EPHA6: variants seen among roughly 807,000 people sequenced by gnomAD.
EPHA6 encodes EPH receptor A6, also known as ephrin type-A receptor 6.
A neutral mutation model predicts 112.0 loss-of-function variants in EPHA6; 50 were observed. That is an observed-to-expected ratio of 0.45 (90% confidence interval 0.36 to 0.56). The LOEUF is 0.56. Ranked by LOEUF, EPHA6 falls within the 20% of genes least tolerant of loss-of-function variation. The pLI, the probability that EPHA6 is intolerant of heterozygous loss-of-function variation, is 0.00. For missense variants in EPHA6, 1,280 were observed against 1,417.4 expected, an observed-to-expected ratio of 0.90 and a Z score of 1.56; for synonymous variants, 529 against 490.7, an observed-to-expected ratio of 1.08 and a Z score of -1.03.
At chr3:96,832,004 G>A (rs2034115187) in intron 1 of EPHA6, among the ~76,000 whole-genome samples, 1 of 151,976 alleles carries the variant, frequency 6.6e-6, no homozygotes, top group Admixed American at 6.6e-5. Context: ...GGCCTTGAGT[G>A]GGTCAAGCCC....
intron 3 of EPHA6, among the ~76,000 whole-genome samples, chr3:97,133,167 G>T (rs1458835948): frequency 1.3e-5 from 2 of 152,014 alleles, no homozygotes; most frequent in Admixed American, 1.3e-4. Context: ...CATCCTATGA[G>T]AGTGAGCAGC....
At chr3:97,638,685 T>C (rs2093973381) in intron 14 of EPHA6, among the ~76,000 whole-genome samples, 2 of 152,140 alleles carry the variant, frequency 1.3e-5, no homozygotes, top group African/African-American at 4.8e-5. Context: ...ATAGTGTAAA[T>C]ATTTCTGACT....
intron 1 of EPHA6, among the ~76,000 whole-genome samples, chr3:96,852,114 G>A (rs2035426339): frequency 6.6e-6 from 1 of 152,134 alleles, no homozygotes; most frequent in Non-Finnish European, 1.5e-5. Context: ...ATATTTTGGA[G>A]TTGATCTGGA....
chr3:97,605,631 T>C (rs2093675213), intron 12 of EPHA6, among the ~76,000 whole-genome samples: 1 of 151,780 alleles, frequency 6.6e-6, no homozygotes, highest in Admixed American at 6.6e-5. Context: ...ACCAGTACCC[T>C]GCTGTTTTGG....
chr3:97,756,471 G>A lies in EPHA6; in HGVS notation c.*7770G>A, dbSNP rs991760181. Among the ~76,000 whole-genome samples, 1 of 151,820 alleles carries A rather than the reference G, an allele frequency of 6.6e-6. No individual in the cohort carries two copies. Among genetic ancestry groups the A allele is most frequent in the Non-Finnish European group, 1.5e-5 (1 of 67,786 alleles). ...CATACATAGTTAATAAACAATGATT[G>A]GAGCTTTTCAAAATTGCTGCTCTGC... On this transcript the variant is annotated 3_prime_UTR_variant, in exon 18 of 18. Coordinates refer to ENST00000389672, the MANE Select transcript of EPHA6 (RefSeq NM_001080448.3).
intron 14 of EPHA6, among the ~76,000 whole-genome samples, chr3:97,663,796 C>T (rs1030001967): frequency 3.3e-5 from 5 of 152,034 alleles, no homozygotes; most frequent in African/African-American, 7.3e-5. Context: ...AATAAATATA[C>T]GTGTGTATGT....
rs892709737 is a variant in EPHA6 at position 96,892,958 on chromosome 3, G to A, written c.450+26069G>A. On this transcript the variant is annotated intron_variant, in intron 2 of 17. Transcript: ENST00000389672. Reference sequence around the variant, plus strand: ...TTCCAACTTATATATATATATATGTGTGTGTGTGTGTGTGTGTGTGTGTTC... The same window carrying A: ...TTCCAACTTATATATATATATATGTATGTGTGTGTGTGTGTGTGTGTGTTC... Among the ~76,000 whole-genome samples, 147 of 128,216 alleles carry A rather than the reference G, an allele frequency of 1.1e-3. 2 individuals carry two copies. Among genetic ancestry groups the A allele is most frequent in the African/African-American group, 4.0e-3 (138 of 34,316 alleles). 84.1% of individuals were successfully genotyped at this position (128,216 alleles called of 152,430 possible).
intron 14 of EPHA6, among the ~76,000 whole-genome samples, chr3:97,650,169 TA>T (rs2094097398): frequency 6.6e-6 from 1 of 152,178 alleles, no homozygotes. Flanking sequence ...AAATGCATGG[TA>T]AAAGTCTTCT....
Position 97,011,305 on chromosome 3 carries a change from T to C in EPHA6, c.1114+23312T>C, listed in dbSNP as rs546749337. Among the ~76,000 whole-genome samples, 231 of 152,202 alleles carry C rather than the reference T, an allele frequency of 1.5e-3. 3 individuals are homozygous for C. The highest frequency in any genetic ancestry group is 1.3e-3 in the Non-Finnish European group (88 of 68,038). On this transcript the variant is annotated intron_variant, in intron 3 of 17. Coordinates refer to ENST00000389672, the MANE Select transcript of EPHA6 (RefSeq NM_001080448.3). ...AGTAACAGACTATCCAGAGGCCTGG[T>C]TGGCATCATCTCAGTAGAGGTCAGG...
At chr3:97,470,325 G>A (rs947909547) in intron 7 of EPHA6, among the ~76,000 whole-genome samples, 1 of 151,660 alleles carries the variant, frequency 6.6e-6, no homozygotes, top group East Asian at 1.9e-4. Flanking sequence ...CTGTTGAAAT[G>A]ATGAAGACAA....
chr3:97,078,527 G>C (rs1344552386), intron 3 of EPHA6, among the ~76,000 whole-genome samples: 1 of 152,022 alleles, frequency 6.6e-6, no homozygotes, highest in African/African-American at 2.4e-5. Context: ...TATGGTTTTA[G>C]GTCTAACATG....
rs534936580 is a variant in EPHA6 at position 97,511,670 on chromosome 3, A to G, written c.2201-20688A>G. ...TAACCTGCTTTTAGCATTGAATGCC[A>G]TATGAGTCATTATGGTATAACATTT... On this transcript the variant is annotated intron_variant, in intron 10 of 17. Coordinates refer to ENST00000389672, the MANE Select transcript of EPHA6 (RefSeq NM_001080448.3). 5.9e-5 allele frequency among the ~76,000 whole-genome samples: 9 copies of G among 152,308 alleles called. No individual in the cohort carries two copies. In the East Asian group the frequency reaches 1.5e-3, roughly 26 times the overall value.
intron 10 of EPHA6, among the ~76,000 whole-genome samples, chr3:97,501,907 G>A (rs917063221): frequency 3.3e-5 from 5 of 151,980 alleles, no homozygotes; most frequent in African/African-American, 1.2e-4. Context: ...TGAGAGAGAT[G>A]AGAGGCTGAA....
At chr3:97,140,046 T>C (rs1037321900) in intron 3 of EPHA6, among the ~76,000 whole-genome samples, 1 of 152,022 alleles carries the variant, frequency 6.6e-6, no homozygotes, top group Non-Finnish European at 1.5e-5. Context: ...CTGAGGGAAC[T>C]TCAAATTACT....
chr3:97,242,733 C>G (rs986876526), intron 4 of EPHA6, among the ~76,000 whole-genome samples: 2 of 151,634 alleles, frequency 1.3e-5, no homozygotes, highest in African/African-American at 4.8e-5. Context: ...TTTCTAGGAG[C>G]GAATGCTAGG....
At chr3:97,411,672 T>C (rs889411531) in intron 6 of EPHA6, among the ~76,000 whole-genome samples, 7 of 152,078 alleles carry the variant, frequency 4.6e-5, no homozygotes, top group Non-Finnish European at 2.9e-5. Flanking sequence ...TCTAGGCTCA[T>C]GACTGAGGTC....
intron 11 of EPHA6, among the ~76,000 whole-genome samples, chr3:97,535,080 A>T (rs2092744986): frequency 6.6e-6 from 1 of 151,988 alleles, no homozygotes; most frequent in South Asian, 2.1e-4. Context: ...AAAGGAAAAA[A>T]GATGTATATC....
At chr3:97,295,344 G>T (rs1241328391) in intron 5 of EPHA6, among the ~76,000 whole-genome samples, 1 of 151,718 alleles carries the variant, frequency 6.6e-6, no homozygotes, top group Non-Finnish European at 1.5e-5. Flanking sequence ...TCTTCTGCTT[G>T]ATCCAGTCTA....
intron 10 of EPHA6, among the ~76,000 whole-genome samples, chr3:97,516,133 A>G (rs1161376065): frequency 6.6e-6 from 1 of 152,206 alleles, no homozygotes; most frequent in Non-Finnish European, 1.5e-5. Flanking sequence ...ACAAATATTT[A>G]CACATTAATC....
Sources: allele counts gnomAD v4.1 joint callset (sites outside exome capture counted in the v4.1 genomes callset), GRCh38; gene constraint gnomAD v4.1.1; transcripts MANE v1.5; gene names NCBI Gene and HGNC (gene_info 2026-07-23, HGNC 2026-07-21).